Variants in RBFOX1 observed in about 807,000 individuals in gnomAD.
The protein encoded by RBFOX1 is RNA binding fox-1 homolog 1.
A neutral mutation model predicts 57.7 loss-of-function variants in RBFOX1; 8 were observed. The observed-to-expected ratio is 0.14, with a 90% confidence interval of 0.08 to 0.25. The LOEUF is 0.25. Among genes scored for constraint, RBFOX1 ranks in the 10% least tolerant of loss-of-function variants. The pLI, the probability that RBFOX1 is intolerant of heterozygous loss-of-function variation, is 1.00. For missense variants in RBFOX1, 611 were observed against 548.5 expected, an observed-to-expected ratio of 1.11 and a Z score of -1.14; for synonymous variants, 326 against 222.4, an observed-to-expected ratio of 1.47 and a Z score of -4.15.
At chr16:5,577,672 C>CAGTG (rs1369013672) in intron 2 of RBFOX1, among the ~76,000 whole-genome samples, 2 of 152,144 alleles carry the variant, frequency 1.3e-5, no homozygotes, top group East Asian at 3.9e-4. Flanking sequence ...AATGGCAAGG[C>CAGTG]AGTGACTGTG....
At chr16:5,737,409 C>G (rs1356140319) in intron 3 of RBFOX1, among the ~76,000 whole-genome samples, 1 of 151,990 alleles carries the variant, frequency 6.6e-6, no homozygotes, top group Non-Finnish European at 1.5e-5. Flanking sequence ...TCTCTTGAAC[C>G]TAGGAGGTGG....
intron 1 of RBFOX1, among the ~76,000 whole-genome samples, chr16:6,101,505 A>G (rs1483513187): frequency 1.3e-5 from 2 of 151,784 alleles, no homozygotes; most frequent in African/African-American, 4.8e-5. Flanking sequence ...TATTTTTTTG[A>G]GACAGAGTTT....
intron 2 of RBFOX1, among the ~76,000 whole-genome samples, chr16:6,608,325 G>C (rs1249733411): frequency 6.6e-6 from 1 of 152,178 alleles, no homozygotes; most frequent in East Asian, 1.9e-4. Flanking sequence ...CCTATCTTTT[G>C]AGCCAGAAAG....
At chr16:7,420,569 A>G (rs367915357) in intron 4 of RBFOX1, among the ~76,000 whole-genome samples, 1 of 151,906 alleles carries the variant, frequency 6.6e-6, no homozygotes, top group Non-Finnish European at 1.5e-5. Flanking sequence ...ATATTGAATT[A>G]TTTATTATTT....
chr16:5,808,657 A>G (rs2055313803), intron 3 of RBFOX1, among the ~76,000 whole-genome samples: 1 of 152,100 alleles, frequency 6.6e-6, no homozygotes, highest in African/African-American at 2.4e-5. Context: ...TTGGATTCCT[A>G]GGTATTTTAT....
intron 4 of RBFOX1, among the ~76,000 whole-genome samples, chr16:7,291,949 GTATATAA>G (rs1450516497): frequency 4.0e-5 from 4 of 101,020 alleles, no homozygotes; most frequent in Non-Finnish European, 8.0e-5. Flanking sequence ...TATATATTAT[GTATATAA>G]TATATAATAT....
At chr16:6,296,837 C>A (rs2078174252) in intron 1 of RBFOX1, among the ~76,000 whole-genome samples, 1 of 152,136 alleles carries the variant, frequency 6.6e-6, no homozygotes, top group Non-Finnish European at 1.5e-5. Flanking sequence ...CCGGTACAGA[C>A]CCCAAGAGAG....
rs917056369 is a variant in RBFOX1, at chr16:6,975,271, TA to T, written c.-15-76785del. 9.9e-4 allele frequency among the ~76,000 whole-genome samples: 57 copies of T among 57,460 alleles called. 1 individual carries two copies. The highest frequency in any genetic ancestry group is 5.5e-3 in the Admixed American group (41 of 7,432). 37.7% of individuals were successfully genotyped at this position (57,460 alleles called of 152,430 possible). On this transcript the variant is annotated intron_variant, in intron 3 of 15. Coordinates refer to ENST00000550418, the MANE Select transcript of RBFOX1 (RefSeq NM_018723.4). ...AGAAGAAATCATGTCCTTTTTTTAT[TA>T]TTTTTTTTTTTGAGACAGGGTCTCA...
intron 3 of RBFOX1, among the ~76,000 whole-genome samples, chr16:6,748,295 G>A (rs2041668): frequency 0.96 from 145,937 of 151,716 alleles, 70,432 homozygotes; most frequent in South Asian, 1. Context: ...ACACACACAC[G>A]CAAATACATA....
At chr16:7,709,190 T>C in intron 15 of RBFOX1, 59 bp downstream of exon 15, 1 of 1,490,792 alleles carries the variant, frequency 6.7e-7, no homozygotes. Context: ...TTTCCCCAGC[T>C]GGGACCTCAG....
At position 6,324,696 on chromosome 16, in the gene RBFOX1, C is replaced by T. The variant is rs189277273; in HGVS notation, c.-64+7639C>T. ...GCTCACTTCTGACGTTGAGGATTACCGTTCAACATGAGATTTGGGTGAGGA... is the reference window on the plus strand; with the variant it reads ...GCTCACTTCTGACGTTGAGGATTACTGTTCAACATGAGATTTGGGTGAGGA... On this transcript the variant is annotated intron_variant, in intron 2 of 15. Coordinates refer to ENST00000550418, the MANE Select transcript of RBFOX1 (RefSeq NM_018723.4). Among the ~76,000 whole-genome samples the T allele has an allele frequency of 5.9e-4, 90 of 152,284 alleles. 3 individuals carry two copies. In the East Asian group the frequency reaches 0.01, roughly 18 times the overall value.
chr16:6,326,798 G>A (rs766686709), intron 2 of RBFOX1, among the ~76,000 whole-genome samples: 28 of 151,724 alleles, frequency 1.8e-4, no homozygotes, highest in Non-Finnish European at 3.2e-4. Context: ...CGTCCAGGCA[G>A]GAGGACACAC....
chr16:6,489,844 A>G (rs545177368), intron 2 of RBFOX1, among the ~76,000 whole-genome samples: 1 of 152,342 alleles, frequency 6.6e-6, no homozygotes, highest in East Asian at 1.9e-4. Flanking sequence ...CCAAAGGGAA[A>G]CACTAATGTA....
rs147385641 is a variant in RBFOX1, at chr16:5,810,108, A to G, written c.319-57195A>G. On this transcript the variant is annotated intron_variant, in intron 3 of 19. Transcript: ENST00000641259. The stretch of plus-strand genomic sequence containing the variant: ...CCAAACACCATATATTCTCACTCAC[A>G]GGTGGGAATTGAACAGTGAGAACAC... Among the ~76,000 whole-genome samples, 469 of 150,130 alleles carry G rather than the reference A, an allele frequency of 3.1e-3. 5 individuals carry two copies. The highest frequency in any genetic ancestry group is 0.011 in the African/African-American group (445 of 41,092).
intron 3 of RBFOX1, among the ~76,000 whole-genome samples, chr16:5,824,572 G>C (rs958123383): frequency 6.6e-6 from 1 of 152,210 alleles, no homozygotes; most frequent in Non-Finnish European, 1.5e-5. Flanking sequence ...CCCTCCTCCT[G>C]TCTGGCTGAG....
intron 2 of RBFOX1, among the ~76,000 whole-genome samples, chr16:6,416,676 GC>G (rs2093632748): frequency 6.6e-6 from 1 of 152,080 alleles, no homozygotes; most frequent in Non-Finnish European, 1.5e-5. Flanking sequence ...GGGAGAATAT[GC>G]CATTTCCACG....
intron 1 of RBFOX1, among the ~76,000 whole-genome samples, chr16:6,034,331 CAAAAAAAAAAA>C (rs757260576): frequency 1.1e-4 from 4 of 37,144 alleles, no homozygotes; most frequent in Non-Finnish European, 1.7e-4. Context: ...GACTGTTGCG[CAAAAAAAAAAA>C]AAAAAAAAAA....
chr16:7,214,774 A>G (rs1172233883), intron 4 of RBFOX1, among the ~76,000 whole-genome samples: 1 of 151,970 alleles, frequency 6.6e-6, no homozygotes, highest in Non-Finnish European at 1.5e-5. Context: ...CACTGTCTCA[A>G]TCTCACCCCT....
chr16:7,471,605 C>G (rs4787023), intron 4 of RBFOX1, among the ~76,000 whole-genome samples: 145,344 of 152,260 alleles, frequency 0.95, 69,399 homozygotes, highest in East Asian at 1. Flanking sequence ...AATTCTGAGA[C>G]GGGGGTGGAG....
Sources: allele counts gnomAD v4.1 joint callset (sites outside exome capture counted in the v4.1 genomes callset), GRCh38; gene constraint gnomAD v4.1.1; transcripts MANE v1.5; gene names NCBI Gene and HGNC (gene_info 2026-07-23, HGNC 2026-07-21).